EGLN3: variants seen among roughly 807,000 people sequenced by gnomAD.
EGLN3 encodes the protein prolyl hydroxylase EGLN3.
EGLN3 carries 15 observed loss-of-function variants against 26.0 expected under a neutral mutation model. The ratio of observed to expected loss-of-function variants is 0.58; its 90% CI spans 0.39 to 0.89. The LOEUF (loss-of-function observed/expected upper bound fraction) is 0.89, where lower values mean the gene tolerates loss of function less well. EGLN3 is among the 40% of genes least tolerant of loss of function. The pLI is 0.00. For synonymous variants in EGLN3, 147 were observed against 127.2 expected (o/e 1.16, Z -1.05); for missense variants, 238 against 311.6 (o/e 0.76, Z 1.78).
chr14:33,926,970 C>T lies in EGLN3; in HGVS notation c.678G>A (p.Arg226=), dbSNP rs1303213592. 12 of 1,605,432 alleles carry T rather than the reference C, an allele frequency of 7.5e-6. No individual in the cohort carries two copies. The Admixed American group carries it at 1.9e-4, about 25-fold the overall frequency. ...TTATCAAACACATACTAGTTAAATT[C>T]CTGAATTTCTTTTTGGCTTCTGCCC... ...EERAEAKKKF[R]NLTRKTESAL... is the part of the protein sequence containing the mutation. The change falls in exon 4 of 5, where the codon AGG becomes AGA. Residue 226 remains arginine, a synonymous_variant. Coordinates refer to ENST00000250457, the MANE Select transcript of EGLN3 (RefSeq NM_022073.4).
At chr14:33,947,867 T>A (rs1237498348) in intron 1 of EGLN3, among the ~76,000 whole-genome samples, 4 of 152,168 alleles carry the variant, frequency 2.6e-5, no homozygotes, top group African/African-American at 7.2e-5. Context: ...CCGGCCAACA[T>A]GGTGAAACCC....
At chr14:33,939,532 A>T (rs1230614592) in intron 1 of EGLN3, among the ~76,000 whole-genome samples, 1 of 152,198 alleles carries the variant, frequency 6.6e-6, no homozygotes, top group East Asian at 1.9e-4. Context: ...AAACAGGAGA[A>T]ACCTACATAT....
rs1417590268 is a variant in EGLN3 at position 33,950,900 on chromosome 14, G to A, written c.-148C>T. The A allele has an allele frequency of 2.0e-5, 14 of 716,758 alleles. No individual in the cohort carries two copies. Among genetic ancestry groups the A allele is most frequent in the Non-Finnish European group, 2.9e-5 (12 of 417,504 alleles). The allele number at this position is 716,758 out of a possible 1,614,324, so 44.4% of individuals were successfully genotyped here. A position where few individuals can be genotyped will look rare whatever the true frequency, so the allele number is the denominator to read the frequency against. ...GTACCCGAGCCGCTGCAGCGTCGGG[G>A]ACAAGGGAAAGTTTCTCGCAACTCT... On this transcript the variant is annotated 5_prime_UTR_variant, in exon 1 of 5. Coordinates refer to ENST00000250457, the MANE Select transcript of EGLN3 (RefSeq NM_022073.4).
At chr14:33,933,314 G>GAAAA (rs5807751) in intron 1 of EGLN3, among the ~76,000 whole-genome samples, 6 of 139,374 alleles carry the variant, frequency 4.3e-5, no homozygotes, top group Non-Finnish European at 3.0e-5. Context: ...TTAAAATATT[G>GAAAA]AAAAAAAAAA....
intron 1 of EGLN3, among the ~76,000 whole-genome samples, chr14:33,941,842 C>T (rs761053347): frequency 3.0e-4 from 46 of 151,978 alleles, no homozygotes; most frequent in Non-Finnish European, 3.1e-4. Flanking sequence ...CACTAGAAGG[C>T]GGTAGAGATG....
chr14:33,949,775 G>T (rs534651595), intron 1 of EGLN3: 1 of 154,968 alleles, frequency 6.5e-6, no homozygotes, highest in East Asian at 1.9e-4. Context: ...AAGGAAGGTG[G>T]TGGTGCAGGG....
intron 1 of EGLN3, among the ~76,000 whole-genome samples, chr14:33,932,107 A>AT (rs751613182): frequency 7.2e-5 from 11 of 152,184 alleles, no homozygotes; most frequent in Admixed American, 2.0e-4. Flanking sequence ...TTTGAAAAAT[A>AT]TTTTTTATAG....
chr14:33,931,077 T>G lies in EGLN3; in HGVS notation c.477+19A>C, dbSNP rs1415551069. ...TGTAGTTTCTAACCCCACACTCTAC[T>G]CCCATTATTCAAAAGTACCTTGGCA... On this transcript the variant is annotated intron_variant, in intron 2 of 4. Coordinates refer to ENST00000250457, the MANE Select transcript of EGLN3 (RefSeq NM_022073.4). 2 of 1,613,916 alleles carry G rather than the reference T, an allele frequency of 1.2e-6. No homozygotes were observed. The highest frequency in any genetic ancestry group is 1.7e-6 in the Non-Finnish European group (2 of 1,179,980).
At chr14:33,935,537 T>G (rs1012590090) in intron 1 of EGLN3, among the ~76,000 whole-genome samples, 2 of 151,164 alleles carry the variant, frequency 1.3e-5, no homozygotes, top group Non-Finnish European at 2.9e-5. Context: ...TTATGTAAAC[T>G]CTCCTGAATA....
rs776151085 is a variant in EGLN3 at position 33,950,411 on chromosome 14, G to T, written c.342C>A (p.Val114=). 1 of 1,613,150 alleles carries T rather than the reference G, an allele frequency of 6.2e-7. No individual in the cohort carries two copies. Among genetic ancestry groups the T allele is most frequent in the Non-Finnish European group, 8.5e-7 (1 of 1,180,022 alleles). ...YCGSRLGKYY[V]KERSKAMVAC... The stretch of plus-strand genomic sequence containing the variant: ...CGCGTCCTACCTTAGACCTCTCCTT[G>T]ACGTAGTATTTGCCCAGCCGGCTCC... Residue 114 remains valine, a synonymous_variant, in exon 1 of 5, where the codon GTC becomes GTA. Transcript: ENST00000250457.
At chr14:33,931,491 C>T (rs2064403667) in intron 1 of EGLN3, among the ~76,000 whole-genome samples, 1 of 152,238 alleles carries the variant, frequency 6.6e-6, no homozygotes, top group South Asian at 2.1e-4. Flanking sequence ...AACCTATCTG[C>T]ATGCCCTGTT....
At chr14:33,943,082 T>C (rs1010911874) in intron 1 of EGLN3, among the ~76,000 whole-genome samples, 1 of 152,164 alleles carries the variant, frequency 6.6e-6, no homozygotes, top group African/African-American at 2.4e-5. Flanking sequence ...CACAAATCAA[T>C]ATCAAAACAA....
chr14:33,931,265 C>T, intron 1 of EGLN3, 50 bp from the exon 2 acceptor site: 1 of 1,612,372 alleles, frequency 6.2e-7, no homozygotes, highest in Non-Finnish European at 8.5e-7. Flanking sequence ...GACAGACAAT[C>T]TTCTCCTCCC....
At chr14:33,947,883 C>T (rs947033636) in intron 1 of EGLN3, among the ~76,000 whole-genome samples, 1 of 152,090 alleles carries the variant, frequency 6.6e-6, no homozygotes, top group African/African-American at 2.4e-5. Context: ...AACCCCGTCT[C>T]TACTAAAAAT....
At chr14:33,933,508 C>T (rs1670780447) in intron 1 of EGLN3, among the ~76,000 whole-genome samples, 1 of 152,106 alleles carries the variant, frequency 6.6e-6, no homozygotes, top group Admixed American at 6.5e-5. Context: ...TGAACATTCA[C>T]CCTCTCTCCT....
chr14:33,942,726 T>G (rs1403513621), intron 1 of EGLN3, among the ~76,000 whole-genome samples: 1 of 152,244 alleles, frequency 6.6e-6, no homozygotes, highest in African/African-American at 2.4e-5. Context: ...TATTTGATTC[T>G]TTGTATTCTG....
chr14:33,949,846 G>T (rs937315315), intron 1 of EGLN3: 1 of 174,008 alleles, frequency 5.7e-6, no homozygotes, highest in Admixed American at 5.6e-5. Context: ...TGGGTCCCAG[G>T]GGGCAGAAGC....
At chr14:33,947,929 TC>T (rs1183160334) in intron 1 of EGLN3, among the ~76,000 whole-genome samples, 1 of 152,028 alleles carries the variant, frequency 6.6e-6, no homozygotes, top group East Asian at 1.9e-4. Context: ...GTGCCTGTGG[TC>T]CCAGCTATGC....
rs1384951350 is a variant in EGLN3 at position 33,924,233 on chromosome 14, A to C, written c.*1658T>G. ...CAAACCATTAGAATGCTAATGTAGG[A>C]GACTGAGTTTATTCAACAAGTATTT... is the stretch of plus-strand genomic sequence containing the variant. On this transcript the variant is annotated 3_prime_UTR_variant, in exon 5 of 5. Coordinates refer to ENST00000250457, the MANE Select transcript of EGLN3 (RefSeq NM_022073.4). The C allele has an allele frequency of 6.6e-6, 1 of 152,226 alleles. No individual in the cohort carries two copies. Among genetic ancestry groups the C allele is most frequent in the Non-Finnish European group, 1.5e-5 (1 of 68,040 alleles). 9.4% of individuals were successfully genotyped at this position (152,226 alleles called of 1,614,324 possible).
Sources: gnomAD v4.1 joint callset for allele counts (sites outside exome capture counted in the v4.1 genomes callset) on GRCh38, gnomAD v4.1.1 for gene constraint, MANE v1.5 for transcripts, NCBI Gene and HGNC (gene_info 2026-07-23, HGNC 2026-07-21) for gene names.